The following PROKR2 variants were observed in gnomAD, a reference collection of about 807,000 sequenced individuals.
PROKR2 encodes the protein prokineticin receptor 2.
Under a neutral mutation model 23.4 loss-of-function variants are expected in PROKR2, and 26 were observed. The observed-to-expected ratio is 1.11, with a 90% confidence interval of 0.81 to 1.54. The LOEUF is 1.54. Among genes scored for constraint, PROKR2 ranks in the 40% most tolerant of loss-of-function variants. The pLI is 0.00. For missense variants in PROKR2, 453 were observed against 511.5 expected (o/e 0.89, Z 1.10); for synonymous variants, 212 against 201.2 (o/e 1.05, Z -0.45).
chr20:5,307,381 G>T (rs964236142), intron 2 of PROKR2, among the ~76,000 whole-genome samples: 2 of 152,002 alleles, frequency 1.3e-5, no homozygotes, highest in Non-Finnish European at 2.9e-5. Flanking sequence ...TGGCAATAAT[G>T]CCTGGATATA....
rs1332780105 is a variant in PROKR2 at position 5,302,697 on chromosome 20, A to G, written c.498T>C (p.Asn166=). 2.5e-6 allele frequency: 4 copies of G among 1,614,144 alleles called. No individual in the cohort carries two copies. The highest frequency in any genetic ancestry group is 3.4e-6 in the Non-Finnish European group (4 of 1,179,978). The change falls in exon 3 of 3, where the codon AAT becomes AAC. Residue 166 remains asparagine (N), a synonymous_variant. Transcript: ENST00000678254. ...AIVHPLKPRM[N]YQTASFLIAL... ...CGATCAGGAAGGAGGCCGTTTGATA[A>G]TTCATCCGTGGTTTCAAGGGGTGAA...
chr20:5,313,984 G>T lies in PROKR2; in HGVS notation c.386C>A (p.Ala129Asp). 6.2e-7 allele frequency: 1 copy of T among 1,614,226 alleles called. No homozygotes were observed. Among genetic ancestry groups the T allele is most frequent in the Non-Finnish European group, 8.5e-7 (1 of 1,180,036 alleles). Residue 129 changes from alanine to aspartate, a missense_variant, in exon 2 of 3, where the codon GCC becomes GAC. Ala to Asp is a moderately radical substitution (Grantham distance 126). Coordinates refer to ENST00000678254, the MANE Select transcript of PROKR2 (RefSeq NM_144773.4). The stretch of plus-strand genomic sequence containing the variant: ...GACGGTGCGCAGGTAGTTGACGGAG[G>T]CACAGAGCACGTGGCCATGCTCCCA... Reference protein sequence around the residue: ...LSWEHGHVLCASVNYLRTVSL... With the variant: ...LSWEHGHVLCDSVNYLRTVSL...
rs151266859 is a variant in PROKR2, at chr20:5,312,908, G to T, written c.458+1004C>A. 1.7e-3 allele frequency among the ~76,000 whole-genome samples: 263 copies of T among 152,322 alleles called. 2 individuals are homozygous for T. The highest frequency in any genetic ancestry group is 7.8e-3 in the Admixed American group (119 of 15,302). On this transcript the variant is annotated intron_variant, in intron 2 of 2. Coordinates refer to ENST00000678254, the MANE Select transcript of PROKR2 (RefSeq NM_144773.4). ...TTTATAAATTTAAAATAGAGCAAGGGCTGGTGACGAGGAATAAGTTCTAGT... is the reference window on the plus strand; with the variant it reads ...TTTATAAATTTAAAATAGAGCAAGGTCTGGTGACGAGGAATAAGTTCTAGT...
chr20:5,312,044 G>A (rs73075522), intron 2 of PROKR2, among the ~76,000 whole-genome samples: 17,627 of 152,214 alleles, frequency 0.12, 1,093 homozygotes, highest in Non-Finnish European at 0.12. Context: ...AGATAAAAAT[G>A]CAGATTCCTG....
intron 2 of PROKR2, among the ~76,000 whole-genome samples, chr20:5,311,032 G>A (rs771875898): frequency 1.2e-4 from 19 of 152,182 alleles, no homozygotes; most frequent in African/African-American, 3.4e-4. Flanking sequence ...CATGTATTCC[G>A]TAAGCACTTG....
intron 2 of PROKR2, among the ~76,000 whole-genome samples, chr20:5,303,214 C>G (rs148355277): frequency 6.6e-6 from 1 of 152,192 alleles, no homozygotes; most frequent in African/African-American, 2.4e-5. Context: ...ACATACAATA[C>G]TCTCAGAGCT....
In PROKR2 at chr20:5,314,515, C is replaced by T. The variant is rs1170749907; in HGVS notation, c.-8-138G>A. 11 of 763,790 alleles carry T rather than the reference C, an allele frequency of 1.4e-5. No homozygotes were observed. The East Asian group carries it at 2.9e-4, about 20-fold the overall frequency. The allele number at this position is 763,790 out of a possible 1,614,324, so 47.3% of individuals were successfully genotyped here. ...CCGTCCTGGATCCTGGAAGGAGGCA[C>T]AACCAGTGGGCAACATGCAGGAGAA... On this transcript the variant is annotated intron_variant, in intron 1 of 2. Coordinates refer to ENST00000678254, the MANE Select transcript of PROKR2 (RefSeq NM_144773.4).
At chr20:5,306,540 T>G (rs201356155) in intron 2 of PROKR2, among the ~76,000 whole-genome samples, 2 of 152,234 alleles carry the variant, frequency 1.3e-5, no homozygotes, top group African/African-American at 4.8e-5. Context: ...ATAGATGGGT[T>G]TAGTAATGGT....
intron 2 of PROKR2, among the ~76,000 whole-genome samples, chr20:5,305,192 C>T (rs575855686): frequency 5.3e-5 from 8 of 152,374 alleles, no homozygotes; most frequent in East Asian, 3.9e-4. Flanking sequence ...ACACCATGAG[C>T]GGCCCGTCCC....
At position 5,302,063 on chromosome 20, in the gene PROKR2, C is replaced by T; in HGVS notation, c.1132G>A (p.Val378Met). ...GGTCACTTCAGCCTGATACAGTCCA[C>T]CTCTTCTGTGGTGGGCACCCCGTTG... Reference protein sequence around the residue: ...RTNGVPTTEEVDCIRLK With the variant: ...RTNGVPTTEEMDCIRLK The change falls in exon 3 of 3, where the codon GTG (valine) becomes ATG (methionine). Residue 378 changes from valine to methionine, a missense_variant. Transcript: ENST00000678254. 1 of 1,614,082 alleles carries T rather than the reference C, an allele frequency of 6.2e-7. No individual in the cohort carries two copies. The highest frequency in any genetic ancestry group is 8.5e-7 in the Non-Finnish European group (1 of 1,180,000).
In PROKR2 at chr20:5,302,632, G is replaced by A. The variant is rs376239580; in HGVS notation, c.563C>T (p.Ser188Leu). 1.5e-5 allele frequency: 24 copies of A among 1,614,190 alleles called. No homozygotes were observed. The highest frequency in any genetic ancestry group is 5.3e-5 in the African/African-American group (4 of 75,050). Reference sequence around the variant, plus strand: ...GACCGTTTCTGTTGCAAAGTAAGCCGATGGGATGGCAATGAGAATGGACAC... The same window carrying A: ...GACCGTTTCTGTTGCAAAGTAAGCCAATGGGATGGCAATGAGAATGGACAC... The part of the protein sequence containing the change: ...WMVSILIAIP[S>L]AYFATETVLF... The change falls in exon 3 of 3, where the codon TCG becomes TTG. Residue 188 changes from serine to leucine, a missense_variant. Physicochemically the swap from Ser to Leu is moderately radical, Grantham distance 145 (BLOSUM62 -2). Transcript: ENST00000678254.
At chr20:5,315,401 C>A (rs1463072819) in intron 1 of PROKR2, among the ~76,000 whole-genome samples, 1 of 152,198 alleles carries the variant, frequency 6.6e-6, no homozygotes, top group South Asian at 2.1e-4. Flanking sequence ...AAGCCCTCAG[C>A]CCGCAGGAGA....
chr20:5,304,767 G>C (rs1189604300), intron 2 of PROKR2, among the ~76,000 whole-genome samples: 3 of 152,202 alleles, frequency 2.0e-5, no homozygotes, highest in Non-Finnish European at 2.9e-5. Context: ...CTCTTAAAAA[G>C]ATGATTGCAG....
rs1460685328 is a variant in PROKR2, at chr20:5,316,713, G to A, written c.-228C>T. 1.3e-5 allele frequency among the ~76,000 whole-genome samples: 2 copies of A among 152,210 alleles called. No individual in the cohort carries two copies. Among genetic ancestry groups the A allele is most frequent in the Non-Finnish European group, 2.9e-5 (2 of 68,028 alleles). On this transcript the variant is annotated 5_prime_UTR_variant, in exon 1 of 3. Transcript: ENST00000678254. The surrounding 1 kb of genome is among the most constrained non-coding windows in gnomAD (Gnocchi z 5.0). ...GGTTCCAGCTGGAGTTGGCGCTCCG[G>A]CCCCACAGCTCTTTCCAGCGTCTCG...
At chr20:5,306,119 C>T (rs1398173644) in intron 2 of PROKR2, among the ~76,000 whole-genome samples, 3 of 152,170 alleles carry the variant, frequency 2.0e-5, no homozygotes, top group African/African-American at 4.8e-5. Context: ...CCTCCAGAAC[C>T]TATACCTTTA....
chr20:5,306,370 G>C (rs1283360495), intron 2 of PROKR2, among the ~76,000 whole-genome samples: 5 of 152,174 alleles, frequency 3.3e-5, no homozygotes, highest in African/African-American at 1.2e-4. Flanking sequence ...AGCCAGGATT[G>C]CTTTCTCCTG....
chr20:5,305,529 G>A (rs7272559), intron 2 of PROKR2, among the ~76,000 whole-genome samples: 51,123 of 152,114 alleles, frequency 0.34, 8,867 homozygotes, highest in South Asian at 0.41. Flanking sequence ...CCAGGAGAGC[G>A]TCTGGCACAG....
At chr20:5,312,490 C>A (rs905858026) in intron 2 of PROKR2, among the ~76,000 whole-genome samples, 1 of 152,176 alleles carries the variant, frequency 6.6e-6, no homozygotes, top group Non-Finnish European at 1.5e-5. Context: ...GTACACATTT[C>A]ATAAGGGATG....
intron 2 of PROKR2, among the ~76,000 whole-genome samples, chr20:5,304,054 C>A (rs1461114036): frequency 1.3e-5 from 2 of 152,190 alleles, no homozygotes; most frequent in East Asian, 3.8e-4. Flanking sequence ...TTCATCCCTA[C>A]TCTTCTGCAC....
Sources: allele counts gnomAD v4.1 joint callset (sites outside exome capture counted in the v4.1 genomes callset), GRCh38; gene constraint gnomAD v4.1.1; non-coding constraint Gnocchi (gnomAD v3.1); transcripts MANE v1.5; gene names NCBI Gene and HGNC (gene_info 2026-07-23, HGNC 2026-07-21).